The following LINC00237 variants were observed in gnomAD, a reference collection of about 807,000 sequenced individuals.
The protein encoded by LINC00237 is long independently transcribed non-coding RNA 237, also known as long intergenic non-protein coding RNA 237.
chr20:21,099,009 A>G (rs889418052), intron 1 of LINC00237, among the ~76,000 whole-genome samples: 1 of 152,246 alleles, frequency 6.6e-6, no homozygotes, highest in Non-Finnish European at 1.5e-5. Context: ...CAAGAAGAGC[A>G]AGGGGTAAGT....
In LINC00237 at chr20:21,102,807, CA is replaced by C. The variant is rs545456571; in HGVS notation, n.88+3463del. Among the ~76,000 whole-genome samples the C allele has an allele frequency of 9.9e-5, 15 of 152,094 alleles. No homozygotes were observed. The East Asian group carries it at 2.9e-3, about 29-fold the overall frequency. ...GTCAATTAACAAACCGCAGCTCTGGCAGACTTCAAAAGGCTTGATTCTTTTT... is the reference window on the plus strand; with the variant it reads ...GTCAATTAACAAACCGCAGCTCTGGCGACTTCAAAAGGCTTGATTCTTTTT... On this transcript the variant is annotated intron_variant and non_coding_transcript_variant, in intron 1 of 3. Coordinates refer to ENST00000691244, the Ensembl canonical transcript of LINC00237.
At chr20:21,103,727 G>A (rs2030962346) in intron 1 of LINC00237, among the ~76,000 whole-genome samples, 2 of 152,130 alleles carry the variant, frequency 1.3e-5, no homozygotes, top group African/African-American at 4.8e-5. Context: ...ATCAATGTGC[G>A]CCAACTCGCG....
At chr20:21,092,146 C>G (rs1000886148) in intron 2 of LINC00237, among the ~76,000 whole-genome samples, 4 of 152,170 alleles carry the variant, frequency 2.6e-5, no homozygotes, top group African/African-American at 9.7e-5. Flanking sequence ...AAGGACTCTG[C>G]TAATTCTGTA....
chr20:21,106,067 G>T (rs913738125), intron 1 of LINC00237, among the ~76,000 whole-genome samples: 1 of 152,208 alleles, frequency 6.6e-6, no homozygotes, highest in African/African-American at 2.4e-5. Context: ...GCAGAGAAAA[G>T]AGGAATTTTT....
intron 1 of LINC00237, among the ~76,000 whole-genome samples, chr20:21,096,831 C>A (rs35486636): frequency 6.6e-6 from 1 of 152,272 alleles, no homozygotes; most frequent in East Asian, 1.9e-4. Context: ...GTGGCCAAAG[C>A]AAATAGCATA....
At chr20:21,092,456 C>T (rs1005525105) in intron 2 of LINC00237, among the ~76,000 whole-genome samples, 28 of 152,142 alleles carry the variant, frequency 1.8e-4, no homozygotes, top group African/African-American at 4.8e-4. Flanking sequence ...AATGCCCAGG[C>T]GGTAGGCACT....
intron 1 of LINC00237, among the ~76,000 whole-genome samples, chr20:21,103,010 G>T (rs887072262): frequency 6.6e-6 from 1 of 152,202 alleles, no homozygotes; most frequent in Admixed American, 6.5e-5. Flanking sequence ...TGCTGAGAGC[G>T]GAGAAGGACG....
At chr20:21,103,797 A>AC (rs1303165248) in intron 1 of LINC00237, among the ~76,000 whole-genome samples, 6 of 152,090 alleles carry the variant, frequency 3.9e-5, no homozygotes, top group African/African-American at 1.4e-4. Context: ...GAACAATGCC[A>AC]CCCCACGCGT....
chr20:21,094,003 T>G (rs1469342849), intron 1 of LINC00237, among the ~76,000 whole-genome samples: 1 of 152,144 alleles, frequency 6.6e-6, no homozygotes, highest in Admixed American at 6.5e-5. Context: ...AGGAATGGTG[T>G]GTCATGATGG....
chr20:21,087,027 T>C (rs1036981478), intron 3 of LINC00237, among the ~76,000 whole-genome samples: 2 of 141,406 alleles, frequency 1.4e-5, no homozygotes, highest in African/African-American at 5.1e-5. Flanking sequence ...ATGTACTCTA[T>C]ATAGTATATA....
chr20:21,087,502 A>C (rs2030730402), intron 3 of LINC00237: 1 of 152,176 alleles, frequency 6.6e-6, no homozygotes, highest in Non-Finnish European at 1.5e-5. Context: ...GACTGCTGTC[A>C]AATTTACCCT....
intron 1 of LINC00237, among the ~76,000 whole-genome samples, chr20:21,098,916 C>G (rs551971244): frequency 6.6e-6 from 1 of 152,318 alleles, no homozygotes; most frequent in African/African-American, 2.4e-5. Context: ...CCTTTCTAGG[C>G]TTTTTATCAG....
At chr20:21,104,458 C>T (rs1213304097) in intron 1 of LINC00237, among the ~76,000 whole-genome samples, 2 of 152,238 alleles carry the variant, frequency 1.3e-5, no homozygotes, top group Non-Finnish European at 2.9e-5. Flanking sequence ...GTCCATAAAT[C>T]CTCTTTAGTT....
At chr20:21,088,581 G>T (rs1416827554) in intron 2 of LINC00237, among the ~76,000 whole-genome samples, 6 of 152,180 alleles carry the variant, frequency 3.9e-5, no homozygotes, top group Non-Finnish European at 5.9e-5. Flanking sequence ...GGTAGTGCTT[G>T]TGAAAGATAA....
At chr20:21,092,607 T>A (rs771816428) in intron 2 of LINC00237, among the ~76,000 whole-genome samples, 1 of 152,176 alleles carries the variant, frequency 6.6e-6, no homozygotes, top group Non-Finnish European at 1.5e-5. Context: ...TCTTTATGAA[T>A]CCCTCAAATT....
At chr20:21,093,753 G>A (rs1381157260) in exon 2 of LINC00237, 1 of 152,190 alleles carries the variant, frequency 6.6e-6, no homozygotes, top group Non-Finnish European at 1.5e-5. Context: ...TTAAATGAAG[G>A]GAGATGACTT....
chr20:21,087,692 T>C (rs369665392), intron 3 of LINC00237: 9 of 152,356 alleles, frequency 5.9e-5, no homozygotes, highest in African/African-American at 2.2e-4. Context: ...AAGCTGAACA[T>C]ATTTTCATGC....
At chr20:21,102,807 C>A (rs529768907) in intron 1 of LINC00237, among the ~76,000 whole-genome samples, 2 of 152,094 alleles carry the variant, frequency 1.3e-5, no homozygotes, top group South Asian at 2.1e-4. Flanking sequence ...GCAGCTCTGG[C>A]AGACTTCAAA....
chr20:21,102,467 A>G (rs2030944688), intron 1 of LINC00237, among the ~76,000 whole-genome samples: 1 of 152,224 alleles, frequency 6.6e-6, no homozygotes, highest in South Asian at 2.1e-4. Context: ...GCTCCAGGTC[A>G]CAGGACCCAC....
Sources: gnomAD v4.1 joint callset for allele counts (sites outside exome capture counted in the v4.1 genomes callset) on GRCh38, gnomAD v4.1.1 for gene constraint, MANE v1.5 for transcripts, NCBI Gene and HGNC (gene_info 2026-07-23, HGNC 2026-07-21) for gene names.